The following AUTS2 variants were observed in gnomAD, a reference collection of about 807,000 sequenced individuals.
AUTS2 encodes activator of transcription and developmental regulator AUTS2.
Under a neutral mutation model 112.4 loss-of-function variants are expected in AUTS2, and 17 were observed. The ratio of observed to expected loss-of-function variants is 0.15; its 90% CI spans 0.10 to 0.23. The LOEUF is 0.23. Among genes scored for constraint, AUTS2 ranks in the 10% least tolerant of loss-of-function variants. The probability of loss-of-function intolerance (pLI) is 1.00; values close to 1 mark genes in which losing one functional copy is unlikely to be tolerated. For missense variants in AUTS2, 1,510 were observed against 1,701.6 expected, an observed-to-expected ratio of 0.89 and a Z score of 1.98; for synonymous variants, 751 against 702.7, an observed-to-expected ratio of 1.07 and a Z score of -1.09.
At chr7:69,812,919 C>T (rs1197974842) in intron 1 of AUTS2, among the ~76,000 whole-genome samples, 1 of 152,156 alleles carries the variant, frequency 6.6e-6, no homozygotes, top group Non-Finnish European at 1.5e-5. Flanking sequence ...TACTTTGCCT[C>T]CCTGCAGAGT....
At chr7:70,635,094 A>C (rs777288041) in intron 5 of AUTS2, among the ~76,000 whole-genome samples, 1 of 152,160 alleles carries the variant, frequency 6.6e-6, no homozygotes, top group Non-Finnish European at 1.5e-5. Flanking sequence ...CGAGTGCCTT[A>C]TGAATTCCAC....
intron 4 of AUTS2, among the ~76,000 whole-genome samples, chr7:70,195,008 A>G (rs1466087914): frequency 6.6e-6 from 1 of 152,180 alleles, no homozygotes; most frequent in Non-Finnish European, 1.5e-5. Context: ...GGCTTTCTCA[A>G]TATTTCTACC....
At chr7:70,724,984 G>A (rs1585576408) in intron 6 of AUTS2, among the ~76,000 whole-genome samples, 1 of 152,186 alleles carries the variant, frequency 6.6e-6, no homozygotes, top group Non-Finnish European at 1.5e-5. Flanking sequence ...TTTCAGAAAC[G>A]TTAGCACATG....
chr7:70,043,702 T>G (rs1254545207), intron 2 of AUTS2, among the ~76,000 whole-genome samples: 1 of 151,208 alleles, frequency 6.6e-6, no homozygotes, highest in Non-Finnish European at 1.5e-5. Context: ...CTCCACCTCC[T>G]GAGTTCAAGC....
At chr7:70,502,716 A>T (rs1221845704) in intron 5 of AUTS2, among the ~76,000 whole-genome samples, 7 of 152,184 alleles carry the variant, frequency 4.6e-5, no homozygotes, top group Non-Finnish European at 8.8e-5. Flanking sequence ...GCAGAGAAGC[A>T]CTCATTAACT....
intron 1 of AUTS2, among the ~76,000 whole-genome samples, chr7:69,628,036 A>G (rs1385422782): frequency 1.3e-5 from 2 of 152,220 alleles, no homozygotes; most frequent in African/African-American, 4.8e-5. Context: ...GTATTGTCCC[A>G]TGTAGCCACA....
intron 4 of AUTS2, among the ~76,000 whole-genome samples, chr7:70,344,903 A>G (rs989236829): frequency 6.6e-6 from 1 of 152,216 alleles, no homozygotes; most frequent in Non-Finnish European, 1.5e-5. Flanking sequence ...AAGAAAAGAC[A>G]TCTTGGCTCC....
intron 4 of AUTS2, among the ~76,000 whole-genome samples, chr7:70,426,071 C>T (rs1795425080): frequency 6.6e-6 from 1 of 152,174 alleles, no homozygotes; most frequent in African/African-American, 2.4e-5. Flanking sequence ...AGAGGTTTCA[C>T]AGATGGTGTA....
At chr7:70,537,960 T>C (rs899779871) in intron 5 of AUTS2, among the ~76,000 whole-genome samples, 8 of 152,288 alleles carry the variant, frequency 5.3e-5, no homozygotes, top group South Asian at 2.1e-4. Context: ...TCCAAAGAGA[T>C]AAATGAGGCC....
intron 4 of AUTS2, among the ~76,000 whole-genome samples, chr7:70,342,465 A>C (rs1348865903): frequency 3.3e-5 from 5 of 151,808 alleles, no homozygotes; most frequent in Non-Finnish European, 7.4e-5. Flanking sequence ...TTGAATTTCC[A>C]TTGTTCATCC....
At chr7:69,786,074 A>G (rs1034337391) in intron 1 of AUTS2, among the ~76,000 whole-genome samples, 1 of 152,128 alleles carries the variant, frequency 6.6e-6, no homozygotes, top group African/African-American at 2.4e-5. Flanking sequence ...TCAGGGTGAG[A>G]GGTGAAGCCA....
In AUTS2 at chr7:70,321,197, T is replaced by C. The variant is rs1175751391; in HGVS notation, c.661-114555T>C. 2.0e-5 allele frequency among the ~76,000 whole-genome samples: 3 copies of C among 152,156 alleles called. No homozygotes were observed. In the East Asian group the frequency reaches 5.8e-4, roughly 29 times the overall value. On this transcript the variant is annotated intron_variant, in intron 4 of 18. Transcript: ENST00000342771. Reference sequence around the variant, plus strand: ...AAGAGGTCACCCAGCTAGTAAAAGGTAGAGATGATGCAACAGACATACATG... The same window carrying C: ...AAGAGGTCACCCAGCTAGTAAAAGGCAGAGATGATGCAACAGACATACATG...
At chr7:70,114,610 T>C (rs1434948312) in intron 2 of AUTS2, among the ~76,000 whole-genome samples, 1 of 152,026 alleles carries the variant, frequency 6.6e-6, no homozygotes, top group East Asian at 1.9e-4. Flanking sequence ...CTGACCAACA[T>C]GGAGAAACCC....
intron 4 of AUTS2, among the ~76,000 whole-genome samples, chr7:70,310,208 T>C (rs1789675186): frequency 6.6e-6 from 1 of 151,734 alleles, no homozygotes; most frequent in South Asian, 2.1e-4. Context: ...AAAGACAAAC[T>C]GTGACAGTGA....
Position 69,599,762 on chromosome 7 carries a change from G to T in AUTS2, c.109G>T (p.Gly37Cys). ...CGGGCTGGGGGCCGGCGCGGCCGGC[G>T]GCGGCGGGGCTGGCCGGACCCGGGC... ...RGGLGAGAAG[G>C]GGAGRTRALS... is the part of the protein sequence containing the mutation. Residue 37 changes from glycine (G) to cysteine (C), a missense_variant, in exon 1 of 19, where the codon GGC becomes TGC. Coordinates refer to ENST00000342771, the MANE Select transcript of AUTS2 (RefSeq NM_015570.4). The surrounding 1 kb of genome is among the most constrained non-coding windows in gnomAD (Gnocchi z 7.0). The T allele has an allele frequency of 7.3e-7, 1 of 1,378,994 alleles. No homozygotes were observed. The highest frequency in any genetic ancestry group is 3.7e-5 in the Admixed American group (1 of 27,100). The allele number at this position is 1,378,994 out of a possible 1,614,324, so 85.4% of individuals were successfully genotyped here. A position where few individuals can be genotyped will look rare whatever the true frequency, so the allele number is the denominator to read the frequency against.
At chr7:69,983,578 A>G (rs1221045835) in intron 2 of AUTS2, among the ~76,000 whole-genome samples, 1 of 151,608 alleles carries the variant, frequency 6.6e-6, no homozygotes, top group East Asian at 1.9e-4. Flanking sequence ...AAAAAGTGCT[A>G]CTCTTTGTAG....
At chr7:70,424,382 T>C (rs1795344335) in intron 4 of AUTS2, among the ~76,000 whole-genome samples, 1 of 152,204 alleles carries the variant, frequency 6.6e-6, no homozygotes, top group Non-Finnish European at 1.5e-5. Flanking sequence ...AAGTAGTTTC[T>C]TTGTATAGCC....
At chr7:70,526,399 C>T (rs1278223829) in intron 5 of AUTS2, among the ~76,000 whole-genome samples, 4 of 152,272 alleles carry the variant, frequency 2.6e-5, no homozygotes, top group South Asian at 2.1e-4. Context: ...AGGCCGTGTG[C>T]GGTGGCTTAC....
chr7:70,081,947 T>C (rs1295638373), intron 2 of AUTS2, among the ~76,000 whole-genome samples: 1 of 145,008 alleles, frequency 6.9e-6, no homozygotes, highest in East Asian at 2.0e-4. Context: ...TGTGTGTGTG[T>C]GTGTGTGTGT....
Sources: allele counts gnomAD v4.1 joint callset (sites outside exome capture counted in the v4.1 genomes callset), GRCh38; gene constraint gnomAD v4.1.1; non-coding constraint Gnocchi (gnomAD v3.1); transcripts MANE v1.5; gene names NCBI Gene and HGNC (gene_info 2026-07-23, HGNC 2026-07-21).